The following DCDC1 variants were observed in gnomAD, a reference collection of about 807,000 sequenced individuals.
The protein encoded by DCDC1 is doublecortin domain-containing protein 1.
A neutral mutation model predicts 178.3 loss-of-function variants in DCDC1; 200 were observed. The ratio of observed to expected loss-of-function variants is 1.12; its 90% CI spans 1.00 to 1.26. DCDC1 has a LOEUF of 1.26. Ranked by LOEUF, DCDC1 falls within the 50% of genes most tolerant of loss-of-function variation. The pLI is 0.00. For synonymous variants in DCDC1, 690 were observed against 604.8 expected, an observed-to-expected ratio of 1.14 and a Z score of -2.07; for missense variants, 1,983 against 1,749.2, an observed-to-expected ratio of 1.13 and a Z score of -2.38.
At chr11:31,021,198 A>T (rs1182614594) in intron 20 of DCDC1, among the ~76,000 whole-genome samples, 1 of 152,214 alleles carries the variant, frequency 6.6e-6, no homozygotes, top group Non-Finnish European at 1.5e-5. Flanking sequence ...AAATACAAAC[A>T]TATCCTTTTC....
intron 20 of DCDC1, among the ~76,000 whole-genome samples, chr11:30,968,379 A>G (rs946007206): frequency 2.0e-5 from 3 of 152,034 alleles, no homozygotes; most frequent in African/African-American, 4.8e-5. Context: ...CCCCTTTATC[A>G]CAGTTTTGCT....
chr11:31,328,054 CT>C, intron 3 of DCDC1, 62 bp downstream of exon 3: 1 of 1,464,706 alleles, frequency 6.8e-7, no homozygotes, highest in Non-Finnish European at 9.1e-7. Flanking sequence ...ATTTAAACTA[CT>C]TTCTATAAAC....
chr11:31,082,222 A>C (rs1957222279), intron 17 of DCDC1, among the ~76,000 whole-genome samples: 1 of 152,204 alleles, frequency 6.6e-6, no homozygotes, highest in African/African-American at 2.4e-5. Context: ...CTTGAGTTCT[A>C]GTCCTGCATC....
At chr11:31,200,092 C>A (rs1441927737) in intron 9 of DCDC1, among the ~76,000 whole-genome samples, 3 of 151,980 alleles carry the variant, frequency 2.0e-5, no homozygotes. Context: ...GAAACTTGCC[C>A]TGGTAATACT....
In DCDC1 at chr11:31,250,386, A is replaced by G. The variant is rs533879294; in HGVS notation, c.1055-8770T>C. ...ATGAAAGGAATCAGAGTGAATGAAT[A>G]CACACACACACACACACACACACAC... On this transcript the variant is annotated intron_variant, in intron 8 of 38. Transcript: ENST00000684477. Among the ~76,000 whole-genome samples the G allele has an allele frequency of 1.9e-3, 79 of 41,848 alleles. No homozygotes were observed. The African/African-American group carries it at 0.024, about 13-fold the overall frequency. The allele number at this position is 41,848 out of a possible 152,430, so 27.5% of individuals were successfully genotyped here.
In DCDC1 at chr11:30,881,218, C is replaced by T. The variant is rs368330341; in HGVS notation, c.5173G>A (p.Asp1725Asn). ...CAGATGACCATATCTCGCTCTATGT[C>T]GTCCCAGGACTGAATTGGCTCTCCA... The part of the protein sequence containing the change: ...PSGEPIQSWD[D>N]IERDMVICVS... The change falls in exon 37 of 39, where the codon GAC becomes AAC. Residue 1725 changes from aspartate to asparagine, a missense_variant. Asp to Asn is a conservative substitution (Grantham distance 23). Transcript: ENST00000684477. 48 of 1,613,432 alleles carry T rather than the reference C, an allele frequency of 3.0e-5. No individual in the cohort carries two copies. The highest frequency in any genetic ancestry group is 2.7e-4 in the East Asian group (12 of 44,868).
rs577964329 is a variant in DCDC1, at chr11:30,900,417, A to G, written c.4592T>C (p.Leu1531Ser). Reference protein sequence around the residue: ...SDSLDGIDKSLLTLILRNPIA... With the variant: ...SDSLDGIDKSSLTLILRNPIA... ...AGGATTTCTGAGGATGAGGGTAAGC[A>G]AAGACTTGTCTATACCATCCAAACT... Residue 1531 changes from leucine (L) to serine (S), a missense_variant, in exon 33 of 39, where the codon TTG (leucine) becomes TCG (serine). Transcript: ENST00000684477. The G allele has an allele frequency of 1.3e-6, 2 of 1,583,660 alleles. No homozygotes were observed. Among genetic ancestry groups the G allele is most frequent in the Non-Finnish European group, 1.7e-6 (2 of 1,164,118 alleles).
At chr11:31,059,636 C>G (rs1433590092) in intron 20 of DCDC1, among the ~76,000 whole-genome samples, 1 of 151,908 alleles carries the variant, frequency 6.6e-6, no homozygotes, top group Non-Finnish European at 1.5e-5. Context: ...AGAAATGGAG[C>G]TGTAGCAATT....
chr11:30,875,861 C>G (rs1942070665), intron 38 of DCDC1, among the ~76,000 whole-genome samples: 1 of 151,192 alleles, frequency 6.6e-6, no homozygotes, highest in South Asian at 2.1e-4. Context: ...TCCTGTTTTA[C>G]AAAGCTGACA....
intron 21 of DCDC1, among the ~76,000 whole-genome samples, chr11:30,949,986 C>T (rs1485704595): frequency 1.3e-5 from 2 of 151,866 alleles, no homozygotes; most frequent in African/African-American, 4.8e-5. Flanking sequence ...ACCTGTACCC[C>T]AGAACTTAAA....
intron 36 of DCDC1, among the ~76,000 whole-genome samples, chr11:30,888,082 G>GAAAGAAAGAAAGAAAGAAAAAGAA (rs35914489): frequency 1.0e-5 from 1 of 96,306 alleles, no homozygotes; most frequent in Non-Finnish European, 2.1e-5. Flanking sequence ...GAGAGAGAGA[G>GAAAGAAAGAAAGAAAGAAAAAGAA]AGAAAGAAAG....
intron 9 of DCDC1, among the ~76,000 whole-genome samples, chr11:31,183,496 TG>T (rs1198087758): frequency 6.6e-6 from 1 of 152,234 alleles, no homozygotes; most frequent in Non-Finnish European, 1.5e-5. Context: ...GGATGACTAC[TG>T]GGTGTTTGCA....
chr11:30,873,354 T>A (rs1450399617), intron 38 of DCDC1, among the ~76,000 whole-genome samples: 1 of 141,206 alleles, frequency 7.1e-6, no homozygotes, highest in Non-Finnish European at 1.5e-5. Flanking sequence ...CATATATATA[T>A]ATATATATAT....
chr11:30,911,710 C>A (rs1945461042), intron 27 of DCDC1, among the ~76,000 whole-genome samples: 1 of 152,122 alleles, frequency 6.6e-6, no homozygotes. Flanking sequence ...GCGAGGTGCC[C>A]AGGAAGCAGG....
chr11:30,893,670 A>G (rs868419965), intron 35 of DCDC1, among the ~76,000 whole-genome samples: 9 of 152,206 alleles, frequency 5.9e-5, no homozygotes, highest in Non-Finnish European at 1.0e-4. Context: ...CACGAATTTG[A>G]GAAATCTTAT....
intron 9 of DCDC1, among the ~76,000 whole-genome samples, chr11:31,159,191 T>C (rs1438210652): frequency 1.3e-5 from 2 of 152,182 alleles, no homozygotes; most frequent in Non-Finnish European, 2.9e-5. Flanking sequence ...AGAGCAACTT[T>C]TGTCCTGGTT....
chr11:31,301,787 T>A (rs543223577), intron 6 of DCDC1, among the ~76,000 whole-genome samples: 1 of 152,310 alleles, frequency 6.6e-6, no homozygotes, highest in East Asian at 1.9e-4. Context: ...CTATTTTAAA[T>A]GTGCTCACAC....
intron 9 of DCDC1, among the ~76,000 whole-genome samples, chr11:31,204,704 C>T (rs1971676656): frequency 6.6e-6 from 1 of 152,082 alleles, no homozygotes; most frequent in African/African-American, 2.4e-5. Context: ...AGCCTGTAAC[C>T]CCAGGAACTC....
chr11:31,196,331 C>T (rs991763662), intron 9 of DCDC1, among the ~76,000 whole-genome samples: 3 of 151,970 alleles, frequency 2.0e-5, no homozygotes, highest in Non-Finnish European at 2.9e-5. Context: ...CAATTTATTT[C>T]AATTCTGACA....
Sources: gnomAD v4.1 joint callset for allele counts (sites outside exome capture counted in the v4.1 genomes callset) on GRCh38, gnomAD v4.1.1 for gene constraint, MANE v1.5 for transcripts, NCBI Gene and HGNC (gene_info 2026-07-23, HGNC 2026-07-21) for gene names.